The following SCD5 variants were observed in gnomAD, a reference collection of about 807,000 sequenced individuals.
SCD5 encodes acyl-CoA-desaturase 4.
In SCD5, 20 loss-of-function variants were observed where a neutral mutation model predicts 30.4. The ratio of observed to expected loss-of-function variants is 0.66; its 90% CI spans 0.46 to 0.96. The LOEUF is 0.96. SCD5 is among the 40% of genes least tolerant of loss of function. The pLI, the probability that SCD5 is intolerant of heterozygous loss-of-function variation, is 0.00. For missense variants in SCD5, 381 were observed against 443.3 expected (o/e 0.86, Z 1.26); for synonymous variants, 173 against 176.4 (o/e 0.98, Z 0.16).
chr4:82,759,591 A>C (rs916274249), intron 1 of SCD5, among the ~76,000 whole-genome samples: 9 of 149,674 alleles, frequency 6.0e-5, no homozygotes, highest in Non-Finnish European at 8.9e-5. Context: ...AGGCAGGCAG[A>C]CCACTTGATT....
chr4:82,679,678 C>A (rs1157962992), intron 3 of SCD5, among the ~76,000 whole-genome samples: 1 of 152,192 alleles, frequency 6.6e-6, no homozygotes, highest in African/African-American at 2.4e-5. Context: ...TTGATTCCAG[C>A]AGTCTGTCTC....
At chr4:82,633,570 T>C (rs1727364595) in intron 4 of SCD5, among the ~76,000 whole-genome samples, 1 of 152,226 alleles carries the variant, frequency 6.6e-6, no homozygotes, top group African/African-American at 2.4e-5. Flanking sequence ...CTGTTTTCCA[T>C]AATGGCTACA....
At chr4:82,783,387 G>A (rs1721916551) in intron 1 of SCD5, among the ~76,000 whole-genome samples, 1 of 152,058 alleles carries the variant, frequency 6.6e-6, no homozygotes, top group South Asian at 2.1e-4. Flanking sequence ...TAATCCAAAG[G>A]GGGAAAAAAA....
In SCD5 at chr4:82,630,338, T is replaced by C. The variant is rs1039592729; in HGVS notation, c.*989A>G. On this transcript the variant is annotated 3_prime_UTR_variant, in exon 5 of 5. Transcript: ENST00000319540. ...TCTCATTTTTTTCAGTTTTTGATTC[T>C]CTTAAGCAAACAATAAAACCACACA... 6.6e-6 allele frequency: 1 copy of C among 152,152 alleles called. No individual in the cohort carries two copies. 9.4% of individuals were successfully genotyped at this position (152,152 alleles called of 1,614,324 possible).
intron 3 of SCD5, among the ~76,000 whole-genome samples, chr4:82,648,158 A>C (rs1308986253): frequency 6.6e-6 from 1 of 152,218 alleles, no homozygotes; most frequent in Non-Finnish European, 1.5e-5. Context: ...ACCATCTTCC[A>C]AGAGGCCATC....
At chr4:82,753,787 C>T (rs896826196) in intron 1 of SCD5, among the ~76,000 whole-genome samples, 17 of 151,874 alleles carry the variant, frequency 1.1e-4, no homozygotes, top group African/African-American at 3.6e-4. Flanking sequence ...CAGCACATAC[C>T]CCCCTGACAG....
intron 1 of SCD5, among the ~76,000 whole-genome samples, chr4:82,760,424 T>C (rs1242491033): frequency 1.3e-5 from 2 of 152,132 alleles, no homozygotes; most frequent in African/African-American, 4.8e-5. Flanking sequence ...TGAGGCGAAA[T>C]CTCTCTCTGT....
chr4:82,668,237 T>C (rs1013047597), intron 3 of SCD5, among the ~76,000 whole-genome samples: 4 of 151,806 alleles, frequency 2.6e-5, no homozygotes, highest in Admixed American at 1.3e-4. Flanking sequence ...ACAAAGACTA[T>C]AGGGAGAGAA....
At chr4:82,724,097 A>G (rs975356676) in intron 1 of SCD5, among the ~76,000 whole-genome samples, 1 of 152,258 alleles carries the variant, frequency 6.6e-6, no homozygotes, top group Non-Finnish European at 1.5e-5. Context: ...GCAAATGTTA[A>G]TAATTATTGA....
intron 2 of SCD5, among the ~76,000 whole-genome samples, chr4:82,699,264 A>T (rs1315314326): frequency 6.6e-6 from 1 of 152,180 alleles, no homozygotes; most frequent in African/African-American, 2.4e-5. Flanking sequence ...AGATGCTTAC[A>T]TTTAAACCCC....
intron 1 of SCD5, among the ~76,000 whole-genome samples, chr4:82,711,944 G>A (rs1720097920): frequency 6.6e-6 from 1 of 151,766 alleles, no homozygotes; most frequent in South Asian, 2.1e-4. Context: ...TATGGTGTGA[G>A]ATCAATAGTA....
At chr4:82,644,072 G>A (rs1727594778) in intron 3 of SCD5, among the ~76,000 whole-genome samples, 1 of 152,186 alleles carries the variant, frequency 6.6e-6, no homozygotes, top group Non-Finnish European at 1.5e-5. Flanking sequence ...ACACCGTAGT[G>A]GACATTGTGA....
chr4:82,767,317 T>G (rs961830383), intron 1 of SCD5, among the ~76,000 whole-genome samples: 1 of 152,120 alleles, frequency 6.6e-6, no homozygotes, highest in Non-Finnish European at 1.5e-5. Flanking sequence ...TGCAGCTCTC[T>G]TCTCTCTGGA....
At chr4:82,775,191 G>A (rs1721719511) in intron 1 of SCD5, among the ~76,000 whole-genome samples, 1 of 152,180 alleles carries the variant, frequency 6.6e-6, no homozygotes, top group South Asian at 2.1e-4. Flanking sequence ...GGATGAGTTT[G>A]TGGATATCCC....
chr4:82,664,835 C>A (rs1728132102), intron 3 of SCD5, among the ~76,000 whole-genome samples: 1 of 151,506 alleles, frequency 6.6e-6, no homozygotes, highest in African/African-American at 2.4e-5. Context: ...TAATTAGAGT[C>A]CCAGAAGAAG....
At chr4:82,717,180 A>T (rs1195218668) in intron 1 of SCD5, among the ~76,000 whole-genome samples, 1 of 151,814 alleles carries the variant, frequency 6.6e-6, no homozygotes, top group Non-Finnish European at 1.5e-5. Context: ...TGCAAACACC[A>T]TTATTTTTAT....
chr4:82,681,657 C>A (rs1728578246), intron 2 of SCD5, among the ~76,000 whole-genome samples: 2 of 152,062 alleles, frequency 1.3e-5, no homozygotes, highest in Admixed American at 1.3e-4. Context: ...GGGAGAAGAT[C>A]AGGAAAAATA....
chr4:82,695,302 C>T (rs1198803438), intron 2 of SCD5, among the ~76,000 whole-genome samples: 3 of 151,404 alleles, frequency 2.0e-5, no homozygotes, highest in Admixed American at 6.6e-5. Context: ...CCAATAAGCT[C>T]TCTCTGGCTA....
At chr4:82,661,525 A>G (rs950379774) in intron 3 of SCD5, among the ~76,000 whole-genome samples, 2 of 152,356 alleles carry the variant, frequency 1.3e-5, no homozygotes, top group African/African-American at 2.4e-5. Context: ...GCCTTATTTA[A>G]TATTTTCAGA....
Sources: gnomAD v4.1 joint callset for allele counts (sites outside exome capture counted in the v4.1 genomes callset) on GRCh38, gnomAD v4.1.1 for gene constraint, MANE v1.5 for transcripts, NCBI Gene and HGNC (gene_info 2026-07-23, HGNC 2026-07-21) for gene names.